Variants in DET1 observed in about 807,000 individuals in gnomAD.
DET1 encodes DET1 partner of COP1 E3 ubiquitin ligase.
DET1 carries 22 observed loss-of-function variants against 43.7 expected under a neutral mutation model. That is an observed-to-expected ratio of 0.50 (90% CI 0.36 to 0.72). The LOEUF (loss-of-function observed/expected upper bound fraction) is 0.72, where lower values mean the gene tolerates loss of function less well. Among genes scored for constraint, DET1 ranks in the 30% least tolerant of loss-of-function variants. The pLI, the probability that DET1 is intolerant of heterozygous loss-of-function variation, is 0.00. For missense variants in DET1, 713 were observed against 713.3 expected (o/e 1.00, Z 0.00); for synonymous variants, 315 against 266.2 (o/e 1.18, Z -1.79).
intron 3 of DET1, among the ~76,000 whole-genome samples, chr15:88,518,545 A>C (rs1240905366): frequency 6.6e-6 from 1 of 152,198 alleles, no homozygotes. Flanking sequence ...AACACATTAA[A>C]ATGTTAATAG....
intron 3 of DET1, among the ~76,000 whole-genome samples, chr15:88,523,519 C>T (rs903460120): frequency 6.6e-6 from 1 of 152,180 alleles, no homozygotes; most frequent in Non-Finnish European, 1.5e-5. Context: ...GCCGCCATCT[C>T]GGCTCACTGC....
At chr15:88,541,968 G>C (rs1206081378) in intron 1 of DET1, among the ~76,000 whole-genome samples, 1 of 152,158 alleles carries the variant, frequency 6.6e-6, no homozygotes, top group African/African-American at 2.4e-5. Flanking sequence ...CACTGAGAGA[G>C]GCACAAGTTC....
At chr15:88,527,893 A>C (rs1598333473) in intron 2 of DET1, 107 bp from the exon 3 acceptor site, 1 of 460,858 alleles carries the variant, frequency 2.2e-6, no homozygotes. Context: ...AATTTTCCAA[A>C]AACAACAACA....
chr15:88,521,609 T>A (rs575065141), intron 3 of DET1, among the ~76,000 whole-genome samples: 1 of 152,178 alleles, frequency 6.6e-6, no homozygotes, highest in Non-Finnish European at 1.5e-5. Flanking sequence ...TGAGAGGTAA[T>A]CTTTTCAGAC....
intron 1 of DET1, among the ~76,000 whole-genome samples, chr15:88,532,262 C>G (rs1213661849): frequency 6.6e-6 from 1 of 152,158 alleles, no homozygotes; most frequent in East Asian, 1.9e-4. Context: ...GTGGTCACAA[C>G]ACTGCACTCC....
At position 88,531,613 on chromosome 15, in the gene DET1, C is replaced by G. The variant is rs1427850973; in HGVS notation, c.93G>C (p.Lys31Asn). ...RLERRRISSG[K>N]AGTHWHQVRV... The stretch of plus-strand genomic sequence containing the variant: ...GGACTTGGTGCCAGTGGGTACCTGC[C>G]TTGCCTGAACTGATCCGCCGGCGTT... Residue 31 changes from lysine to asparagine, a missense_variant, in exon 2 of 5, where the codon AAG (lysine) becomes AAC (asparagine). Coordinates refer to ENST00000268148, the MANE Select transcript of DET1 (RefSeq NM_001144074.3). The surrounding 1 kb of genome is among the most constrained non-coding windows in gnomAD (Gnocchi z 6.2). 2.5e-6 allele frequency: 4 copies of G among 1,613,888 alleles called. No individual in the cohort carries two copies. The East Asian group carries it at 6.7e-5, about 27-fold the overall frequency.
rs1303305872 is a variant in DET1 at position 88,516,465 on chromosome 15, C to T, written c.1463+317G>A. Among the ~76,000 whole-genome samples the T allele has an allele frequency of 1.3e-5, 2 of 152,164 alleles. No individual in the cohort carries two copies. Among genetic ancestry groups the T allele is most frequent in the Non-Finnish European group, 2.9e-5 (2 of 68,032 alleles). On this transcript the variant is annotated intron_variant, in intron 4 of 4. Transcript: ENST00000268148. This position sits in a 1 kb window ranked among gnomAD's most constrained non-coding sequence, Gnocchi z 4.4. ...TGTTAGATACATAATTATAAAGTCTCAATGTCAAAAACTATTATGGAATGG... is the reference window on the plus strand; with the variant it reads ...TGTTAGATACATAATTATAAAGTCTTAATGTCAAAAACTATTATGGAATGG...
chr15:88,540,126 C>T (rs944763723), intron 1 of DET1, among the ~76,000 whole-genome samples: 1 of 152,082 alleles, frequency 6.6e-6, no homozygotes, highest in Non-Finnish European at 1.5e-5. Context: ...CAGGACTTGG[C>T]TCTGCTCTCG....
At chr15:88,520,787 G>C (rs2056468678) in intron 3 of DET1, among the ~76,000 whole-genome samples, 1 of 152,060 alleles carries the variant, frequency 6.6e-6, no homozygotes, top group Non-Finnish European at 1.5e-5. Context: ...CAGAGGACTT[G>C]GTATGTGCCA....
Sources: allele counts gnomAD v4.1 joint callset (sites outside exome capture counted in the v4.1 genomes callset), GRCh38; gene constraint gnomAD v4.1.1; non-coding constraint Gnocchi (gnomAD v3.1); transcripts MANE v1.5; gene names NCBI Gene and HGNC (gene_info 2026-07-23, HGNC 2026-07-21).